The following KLRG1 variants were observed in gnomAD, a reference collection of about 807,000 sequenced individuals.
KLRG1 encodes killer cell lectin like receptor G1.
KLRG1 carries 16 observed loss-of-function variants against 21.8 expected under a neutral mutation model. That is an observed-to-expected ratio of 0.73 (90% CI 0.50 to 1.11). KLRG1 has a LOEUF of 1.11. Ranked by LOEUF, KLRG1 falls within the 50% of genes most tolerant of loss-of-function variation. The pLI, the probability that KLRG1 is intolerant of heterozygous loss-of-function variation, is 0.00. For missense variants in KLRG1, 173 were observed against 218.3 expected, an observed-to-expected ratio of 0.79 and a Z score of 1.31; for synonymous variants, 69 against 75.9, an observed-to-expected ratio of 0.91 and a Z score of 0.47.
At chr12:9,089,535 G>A in the KLRG1 span, among the ~76,000 whole-genome samples, 723 of 152,242 alleles carry the variant, frequency 4.7e-3, 9 homozygotes, top group African/African-American at 0.016. Context: ...GAGGCCAGGA[G>A]TTCGAGACCA....
chr12:8,970,017 G>A (rs1946541143), intron 1 of KLRG1, among the ~76,000 whole-genome samples: 1 of 152,244 alleles, frequency 6.6e-6, no homozygotes, highest in Non-Finnish European at 1.5e-5. Context: ...TCTGGAGGCT[G>A]AGGTGGGAGG....
At chr12:9,174,862 G>A in the KLRG1 span, among the ~76,000 whole-genome samples, 1 of 152,122 alleles carries the variant, frequency 6.6e-6, no homozygotes, top group African/African-American at 2.4e-5. Context: ...AGAAGAATCA[G>A]TGTAATGACA....
At chr12:9,045,175 T>G in the KLRG1 span, among the ~76,000 whole-genome samples, 1 of 152,190 alleles carries the variant, frequency 6.6e-6, no homozygotes, top group Non-Finnish European at 1.5e-5. Context: ...ACAACTTTTC[T>G]TAGATCCATC....
the KLRG1 span, among the ~76,000 whole-genome samples, chr12:9,175,239 T>G: frequency 6.6e-6 from 1 of 152,292 alleles, no homozygotes; most frequent in South Asian, 2.1e-4. Flanking sequence ...TAAATGGTGC[T>G]GGGAATGCTG....
chr12:8,986,577 T>C (rs1946844621), upstream of KLRG1, among the ~76,000 whole-genome samples: 1 of 146,546 alleles, frequency 6.8e-6, no homozygotes, highest in Non-Finnish European at 1.5e-5. Flanking sequence ...TGCTCCCATC[T>C]TTTTTTTTTT....
At chr12:9,039,625 G>A in the KLRG1 span, among the ~76,000 whole-genome samples, 1 of 152,134 alleles carries the variant, frequency 6.6e-6, no homozygotes, top group East Asian at 1.9e-4. Context: ...ATTAATGACA[G>A]TTGCTAAAGC....
chr12:8,982,271 G>A (rs1303026352), intron 1 of KLRG1, among the ~76,000 whole-genome samples: 2 of 152,136 alleles, frequency 1.3e-5, no homozygotes, highest in African/African-American at 4.8e-5. Flanking sequence ...AAAAGCAGAG[G>A]TTGGAATTAT....
the KLRG1 span, chr12:9,027,703 A>T: frequency 2.4e-5 from 29 of 1,192,302 alleles, no homozygotes; most frequent in Non-Finnish European, 3.5e-5. Context: ...TAATTGCCAA[A>T]ATTCATTGTA....
At chr12:9,198,136 G>T in the KLRG1 span, among the ~76,000 whole-genome samples, 3 of 150,988 alleles carry the variant, frequency 2.0e-5, no homozygotes, top group African/African-American at 7.3e-5. Flanking sequence ...ATTGCTTGAG[G>T]CCAAAAGTTC....
chr12:9,147,618 CA>C, the KLRG1 span, among the ~76,000 whole-genome samples: 36 of 152,204 alleles, frequency 2.4e-4, no homozygotes, highest in African/African-American at 3.9e-4. Flanking sequence ...ATGTGTGGGA[CA>C]GGGGGGAAGC....
At chr12:9,111,779 T>G in the KLRG1 span, among the ~76,000 whole-genome samples, 1 of 152,196 alleles carries the variant, frequency 6.6e-6, no homozygotes, top group Non-Finnish European at 1.5e-5. Flanking sequence ...TTACCCTGAC[T>G]TTCCTTTATA....
At chr12:9,055,179 C>G in the KLRG1 span, among the ~76,000 whole-genome samples, 3 of 152,114 alleles carry the variant, frequency 2.0e-5, no homozygotes, top group Non-Finnish European at 4.4e-5. Flanking sequence ...TATTATGACT[C>G]CCACCTAAAC....
chr12:8,953,051 C>T (rs952102313), intron 1 of KLRG1, among the ~76,000 whole-genome samples: 1 of 151,794 alleles, frequency 6.6e-6, no homozygotes, highest in African/African-American at 2.4e-5. Context: ...AGTGACACCC[C>T]CCCCCCGCAA....
At chr12:9,039,078 G>A in the KLRG1 span, among the ~76,000 whole-genome samples, 1 of 152,198 alleles carries the variant, frequency 6.6e-6, no homozygotes, top group African/African-American at 2.4e-5. Context: ...TCTGGTTGGA[G>A]AATAAAGCTC....
At chr12:9,191,543 A>T in the KLRG1 span, among the ~76,000 whole-genome samples, 1 of 152,196 alleles carries the variant, frequency 6.6e-6, no homozygotes, top group Non-Finnish European at 1.5e-5. Flanking sequence ...GAGAAACTAC[A>T]TAAATAGAAA....
chr12:9,196,809 G>T, the KLRG1 span: 1 of 841,942 alleles, frequency 1.2e-6, no homozygotes, highest in Non-Finnish European at 1.9e-6. Flanking sequence ...ATTGACCTTC[G>T]AGAACTTAAT....
the KLRG1 span, among the ~76,000 whole-genome samples, chr12:9,137,780 A>T: frequency 2.6e-5 from 4 of 151,864 alleles, no homozygotes; most frequent in Non-Finnish European, 5.9e-5. Flanking sequence ...TTTTTGTGCT[A>T]TTGTAAATGG....
At chr12:9,044,902 A>G in the KLRG1 span, among the ~76,000 whole-genome samples, 1 of 152,196 alleles carries the variant, frequency 6.6e-6, no homozygotes, top group African/African-American at 2.4e-5. Context: ...ATGTATTAGG[A>G]TATTCAGAGC....
At chr12:9,189,065 A>G in the KLRG1 span, among the ~76,000 whole-genome samples, 44 of 152,360 alleles carry the variant, frequency 2.9e-4, 2 homozygotes, top group African/African-American at 9.4e-4. Context: ...GAAAATGGTC[A>G]TATTGCCCAA....
Sources: allele counts gnomAD v4.1 joint callset (sites outside exome capture counted in the v4.1 genomes callset), GRCh38; gene constraint gnomAD v4.1.1; transcripts MANE v1.5; gene names NCBI Gene and HGNC (gene_info 2026-07-23, HGNC 2026-07-21).